ACACA: variants seen among roughly 807,000 people sequenced by gnomAD.
ACACA encodes the protein acetyl-CoA carboxylase alpha, also known as acetyl-CoA carboxylase 1.
A neutral mutation model predicts 296.1 loss-of-function variants in ACACA; 103 were observed. That is an observed-to-expected ratio of 0.35 (90% confidence interval 0.30 to 0.41). The LOEUF is 0.41. Ranked by LOEUF, ACACA falls within the 10% of genes least tolerant of loss-of-function variation. ACACA has a pLI of 1.00. For synonymous variants in ACACA, 953 were observed against 1,038.6 expected (o/e 0.92, Z 1.58); for missense variants, 1,554 against 2,989.7 (o/e 0.52, Z 11.20).
chr17:37,161,473 TTAAA>T (rs1294731110), intron 42 of ACACA: 7 of 390,686 alleles, frequency 1.8e-5, no homozygotes, highest in Admixed American at 8.5e-5. Flanking sequence ...GAAGCCACAA[TTAAA>T]TAAAGATATA....
At chr17:37,173,979 AATTTATATATATATATAT>A (rs1189359157) in intron 41 of ACACA, among the ~76,000 whole-genome samples, 14 of 41,870 alleles carry the variant, frequency 3.3e-4, no homozygotes, top group African/African-American at 1.0e-3. Context: ...ACGCCTGGCT[AATTTATATATATATATAT>A]ATATATATAT....
chr17:37,132,239 G>T (rs2075133425), intron 45 of ACACA, among the ~76,000 whole-genome samples: 1 of 152,202 alleles, frequency 6.6e-6, no homozygotes, highest in South Asian at 2.1e-4. Flanking sequence ...CAGGCAGAGG[G>T]CATTACATAC....
intron 2 of ACACA, among the ~76,000 whole-genome samples, chr17:37,334,039 A>C (rs1405992552): frequency 1.3e-5 from 2 of 151,948 alleles, no homozygotes; most frequent in African/African-American, 4.8e-5. Context: ...CCCAGGTGTT[A>C]GGTATACAAT....
chr17:37,132,193 C>T (rs1247011130), intron 45 of ACACA, among the ~76,000 whole-genome samples: 3 of 152,328 alleles, frequency 2.0e-5, no homozygotes, highest in South Asian at 2.1e-4. Flanking sequence ...AGCAAATACA[C>T]GCCGTTTGTT....
At chr17:37,336,268 C>T (rs576967753) in intron 2 of ACACA, among the ~76,000 whole-genome samples, 2 of 152,272 alleles carry the variant, frequency 1.3e-5, no homozygotes, top group African/African-American at 4.8e-5. Context: ...ACAACCTCTA[C>T]TACGCCCCAA....
intron 45 of ACACA, among the ~76,000 whole-genome samples, chr17:37,142,868 TTTCTTGAA>T (rs1235169493): frequency 6.6e-6 from 1 of 152,238 alleles, no homozygotes; most frequent in African/African-American, 2.4e-5. Context: ...CATCTAACAT[TTTCTTGAA>T]GAAATTTTTG....
intron 35 of ACACA, among the ~76,000 whole-genome samples, chr17:37,198,201 G>A (rs949618182): frequency 1.3e-5 from 2 of 152,178 alleles, no homozygotes; most frequent in South Asian, 4.1e-4. Context: ...AAATGTCAGT[G>A]AGAACTAATC....
chr17:37,401,849 C>T (rs1024688040), intron 1 of ACACA, among the ~76,000 whole-genome samples: 11 of 152,106 alleles, frequency 7.2e-5, no homozygotes, highest in African/African-American at 9.7e-5. Flanking sequence ...CATGAGCCAC[C>T]GCACCAGGCC....
chr17:37,177,609 T>A (rs1000484052), intron 41 of ACACA, among the ~76,000 whole-genome samples: 3 of 152,208 alleles, frequency 2.0e-5, no homozygotes, highest in East Asian at 1.9e-4. Flanking sequence ...CTCAGCCCCA[T>A]GTTCACAAGG....
chr17:37,151,313 A>C lies in ACACA; in HGVS notation c.5556T>G (p.Ile1852Met). 6.2e-7 allele frequency: 1 copy of C among 1,614,030 alleles called. No individual in the cohort carries two copies. The highest frequency in any genetic ancestry group is 8.5e-7 in the Non-Finnish European group (1 of 1,179,996). ...GESSLAYNEI[I>M]TISLVTCRAI... ...TGGAAAGATTTACCAGGCTGATGGT[A>C]ATGATCTCATTATAGGCCAATGAGG... The change falls in exon 44 of 56, where the codon ATT becomes ATG. Residue 1852 changes from isoleucine (I) to methionine (M), a missense_variant. Physicochemically the swap from Ile to Met is conservative, Grantham distance 10 (BLOSUM62 1). Transcript: ENST00000616317.
At chr17:37,109,848 C>A (rs766442663) in intron 52 of ACACA, among the ~76,000 whole-genome samples, 5 of 152,130 alleles carry the variant, frequency 3.3e-5, no homozygotes, top group African/African-American at 4.8e-5. Flanking sequence ...ATGATAACAG[C>A]CATTGGGGGG....
chr17:37,268,737 C>CTATATA (rs1302264722), intron 10 of ACACA, among the ~76,000 whole-genome samples: 156 of 70,894 alleles, frequency 2.2e-3, no homozygotes, highest in African/African-American at 7.0e-3. Context: ...ATCTATCTAT[C>CTATATA]TATCTATATA....
intron 52 of ACACA, among the ~76,000 whole-genome samples, chr17:37,108,787 G>A (rs1179923534): frequency 2.0e-5 from 3 of 152,108 alleles, no homozygotes; most frequent in Non-Finnish European, 2.9e-5. Context: ...GGGAGAGAAC[G>A]GCAACACAAG....
At chr17:37,314,636 T>G (rs936512490) in intron 3 of ACACA, among the ~76,000 whole-genome samples, 3 of 105,334 alleles carry the variant, frequency 2.8e-5, no homozygotes, top group Non-Finnish European at 3.9e-5. Context: ...AATCCACACT[T>G]TTTTTTTTTT....
chr17:37,169,608 T>G (rs1472201661), intron 41 of ACACA, among the ~76,000 whole-genome samples: 1 of 152,196 alleles, frequency 6.6e-6, no homozygotes, highest in East Asian at 1.9e-4. Context: ...ATCTATATTA[T>G]ATACATAATG....
intron 52 of ACACA, among the ~76,000 whole-genome samples, chr17:37,109,392 G>A (rs1205927049): frequency 6.6e-6 from 1 of 152,196 alleles, no homozygotes; most frequent in African/African-American, 2.4e-5. Context: ...GCTAGGCAGA[G>A]GTGTGATCTC....
rs1395498900 is a variant in ACACA at position 37,095,002 on chromosome 17, AGTGACCTATTTCTTCAGACGCTCT to A, written c.6891+1970_6891+1993del. Reference sequence around the variant, plus strand: ...GTTCTCTCCATTGATAAGAGACGGCAGTGACCTATTTCTTCAGACGCTCTGTCCGCTTGGGAGCAGGATGCTAGG... The same window carrying A: ...GTTCTCTCCATTGATAAGAGACGGCAGTCCGCTTGGGAGCAGGATGCTAGG... On this transcript the variant is annotated intron_variant, in intron 54 of 55. Transcript: ENST00000616317. Among the ~76,000 whole-genome samples the A allele has an allele frequency of 7.9e-4, 121 of 152,242 alleles. 1 individual carries two copies. The highest frequency in any genetic ancestry group is 1.2e-3 in the Non-Finnish European group (81 of 68,038).
intron 16 of ACACA, among the ~76,000 whole-genome samples, chr17:37,251,694 T>G (rs2081003546): frequency 6.6e-6 from 1 of 152,230 alleles, no homozygotes; most frequent in African/African-American, 2.4e-5. Flanking sequence ...ACCAGATTTT[T>G]ATCACCAGGG....
intron 1 of ACACA, chr17:37,386,031 A>C (rs761089241): frequency 6.3e-7 from 1 of 1,598,538 alleles, no homozygotes; most frequent in African/African-American, 1.3e-5. Context: ...GGATCTCACA[A>C]TGTAAAGTCC....
Sources: allele counts gnomAD v4.1 joint callset (sites outside exome capture counted in the v4.1 genomes callset), GRCh38; gene constraint gnomAD v4.1.1; transcripts MANE v1.5; gene names NCBI Gene and HGNC (gene_info 2026-07-23, HGNC 2026-07-21).